Variants in DGKB observed in about 807,000 individuals in gnomAD.
The protein encoded by DGKB is diacylglycerol kinase beta.
DGKB carries 67 observed loss-of-function variants against 114.3 expected under a neutral mutation model. That is an observed-to-expected ratio of 0.59 (90% CI 0.48 to 0.72). DGKB has a LOEUF of 0.72. Ranked by LOEUF, DGKB falls within the 30% of genes least tolerant of loss-of-function variation. The pLI, the probability that DGKB is intolerant of heterozygous loss-of-function variation, is 0.00. For synonymous variants in DGKB, 398 were observed against 323.1 expected (o/e 1.23, Z -2.49); for missense variants, 907 against 975.2 (o/e 0.93, Z 0.93).
At chr7:14,481,953 A>G (rs928818906) in intron 20 of DGKB, among the ~76,000 whole-genome samples, 2 of 152,124 alleles carry the variant, frequency 1.3e-5, no homozygotes, top group African/African-American at 4.8e-5. Context: ...CAATAACAAC[A>G]ATCTTTTCCT....
intron 23 of DGKB, among the ~76,000 whole-genome samples, chr7:14,306,641 C>G (rs964814676): frequency 6.6e-6 from 1 of 152,010 alleles, no homozygotes; most frequent in African/African-American, 2.4e-5. Context: ...CTCTGCGCTT[C>G]AGAACTGGGC....
intron 23 of DGKB, among the ~76,000 whole-genome samples, chr7:14,231,915 T>C (rs1791924023): frequency 6.6e-6 from 1 of 152,040 alleles, no homozygotes; most frequent in Admixed American, 6.6e-5. Context: ...TCAAGTCTTC[T>C]ATGTAATGTT....
chr7:14,563,990 A>C (rs1304578178), intron 20 of DGKB, among the ~76,000 whole-genome samples: 1 of 152,200 alleles, frequency 6.6e-6, no homozygotes, highest in Non-Finnish European at 1.5e-5. Context: ...GCTCTGTGTT[A>C]GACCCATCAG....
rs189974446 is a variant in DGKB, at chr7:14,511,091, G to A, written c.1771-32866C>T. Among the ~76,000 whole-genome samples, 1,237 of 152,212 alleles carry A rather than the reference G, an allele frequency of 8.1e-3. 16 individuals carry two copies. The highest frequency in any genetic ancestry group is 0.026 in the African/African-American group (1,093 of 41,508). On this transcript the variant is annotated intron_variant, in intron 20 of 25. Transcript: ENST00000402815. The stretch of plus-strand genomic sequence containing the variant: ...ATCTTCAGAATGGTCAATGAGCACT[G>A]GCTTCATCTTAAAGTCACCAACTGC...
At chr7:14,765,588 C>T (rs1001500170) in intron 2 of DGKB, among the ~76,000 whole-genome samples, 2 of 151,812 alleles carry the variant, frequency 1.3e-5, no homozygotes, top group Non-Finnish European at 2.9e-5. Context: ...AATCCAATGC[C>T]TTGCACAAAA....
At chr7:14,467,103 TTAA>T (rs1302269729) in intron 21 of DGKB, among the ~76,000 whole-genome samples, 1 of 151,640 alleles carries the variant, frequency 6.6e-6, no homozygotes, top group African/African-American at 2.4e-5. Flanking sequence ...ATATTTATGC[TTAA>T]TGAGTTTTTG....
intron 23 of DGKB, among the ~76,000 whole-genome samples, chr7:14,193,671 A>G (rs1335627273): frequency 1.3e-5 from 2 of 152,204 alleles, no homozygotes; most frequent in Non-Finnish European, 2.9e-5. Context: ...AAAAGCACAG[A>G]CAACGAAAGC....
chr7:14,687,143 G>A (rs1051605710), intron 9 of DGKB, among the ~76,000 whole-genome samples: 1 of 152,104 alleles, frequency 6.6e-6, no homozygotes, highest in Non-Finnish European at 1.5e-5. Flanking sequence ...TGGAGGCAAG[G>A]TGAACTCAAA....
upstream of DGKB, among the ~76,000 whole-genome samples, chr7:14,907,725 TA>T (rs1244854752): frequency 6.6e-6 from 1 of 152,192 alleles, no homozygotes. Context: ...GAATGATTCT[TA>T]GGGGCAGCAA....
upstream of DGKB, among the ~76,000 whole-genome samples, chr7:14,906,081 A>T (rs1411470810): frequency 6.6e-6 from 1 of 152,050 alleles, no homozygotes; most frequent in Non-Finnish European, 1.5e-5. Flanking sequence ...CAATCAATAA[A>T]GTTATCTAGA....
intron 21 of DGKB, among the ~76,000 whole-genome samples, chr7:14,377,398 G>A (rs998971216): frequency 2.6e-5 from 4 of 152,066 alleles, no homozygotes; most frequent in African/African-American, 9.7e-5. Context: ...TTATTCCCGT[G>A]ATTTAATTTA....
chr7:14,612,530 T>A (rs1294573936), intron 16 of DGKB, among the ~76,000 whole-genome samples: 2 of 152,118 alleles, frequency 1.3e-5, no homozygotes, highest in Non-Finnish European at 2.9e-5. Context: ...GCTGGAAAGT[T>A]AAATGGTAGA....
rs193150509 is a variant in DGKB at position 14,782,323 on chromosome 7, C to T, written c.71-24592G>A. ...TTACAGGTGTGAGCCACTGTGCCCC[C>T]GGCCTGAATTTTTAAATGAATGAGT... On this transcript the variant is annotated intron_variant, in intron 2 of 25. Transcript: ENST00000402815. Among the ~76,000 whole-genome samples the T allele has an allele frequency of 4.6e-5, 7 of 152,184 alleles. No homozygotes were observed. The East Asian group carries it at 5.8e-4, about 13-fold the overall frequency.
intron 23 of DGKB, among the ~76,000 whole-genome samples, chr7:14,186,319 C>A (rs1374490355): frequency 6.6e-6 from 1 of 152,090 alleles, no homozygotes; most frequent in Non-Finnish European, 1.5e-5. Context: ...TGCTATACCA[C>A]CTTATTCCTG....
chr7:14,901,664 A>G (rs979296767), intron 1 of DGKB, among the ~76,000 whole-genome samples: 1 of 136,556 alleles, frequency 7.3e-6, no homozygotes, highest in Admixed American at 8.2e-5. Flanking sequence ...ATGCAAGAGG[A>G]CCTGGTTAGG....
chr7:14,476,071 GTAT>G (rs1201206240), intron 21 of DGKB, among the ~76,000 whole-genome samples: 2 of 151,692 alleles, frequency 1.3e-5, no homozygotes, highest in African/African-American at 4.8e-5. Context: ...ACTCCAAAAG[GTAT>G]TATCCAAACA....
At position 14,408,282 on chromosome 7, in the gene DGKB, C is replaced by T. The variant is rs143723323; in HGVS notation, c.1836-62891G>A. ...TAGGTGTTGGAGGCAGGAAAAACGCCCATAGCCTGGTTAATTATCATGGAA... is the reference window on the plus strand; with the variant it reads ...TAGGTGTTGGAGGCAGGAAAAACGCTCATAGCCTGGTTAATTATCATGGAA... On this transcript the variant is annotated intron_variant, in intron 21 of 25. Coordinates refer to ENST00000402815, the MANE Select transcript of DGKB (RefSeq NM_001350709.2). 1.1e-3 allele frequency among the ~76,000 whole-genome samples: 163 copies of T among 151,976 alleles called. 1 individual carries two copies. Among genetic ancestry groups the T allele is most frequent in the African/African-American group, 3.8e-3 (159 of 41,484 alleles).
chr7:14,481,563 C>T (rs1190609761), intron 20 of DGKB, among the ~76,000 whole-genome samples: 1 of 151,676 alleles, frequency 6.6e-6, no homozygotes, highest in African/African-American at 2.4e-5. Flanking sequence ...ACCATTGCAC[C>T]ACATTAAATA....
At chr7:14,478,387 T>C (rs1782507015) in intron 20 of DGKB, among the ~76,000 whole-genome samples, 162 bp from the exon 21 acceptor site, 1 of 152,066 alleles carries the variant, frequency 6.6e-6, no homozygotes, top group Non-Finnish European at 1.5e-5. Context: ...GTGATCCATA[T>C]GCAGAAGTGA....
Sources: allele counts gnomAD v4.1 joint callset (sites outside exome capture counted in the v4.1 genomes callset), GRCh38; gene constraint gnomAD v4.1.1; transcripts MANE v1.5; gene names NCBI Gene and HGNC (gene_info 2026-07-23, HGNC 2026-07-21).